SAMD4A: variants seen among roughly 807,000 people sequenced by gnomAD.
SAMD4A encodes the protein protein Smaug homolog 1.
SAMD4A carries 33 observed loss-of-function variants against 81.3 expected under a neutral mutation model. That is an observed-to-expected ratio of 0.41 (90% CI 0.31 to 0.54). The LOEUF is 0.54. SAMD4A is among the 20% of genes least tolerant of loss of function. SAMD4A has a pLI of 0.37. For synonymous variants in SAMD4A, 389 were observed against 382.1 expected, an observed-to-expected ratio of 1.02 and a Z score of -0.21; for missense variants, 854 against 951.1, an observed-to-expected ratio of 0.90 and a Z score of 1.34.
At chr14:54,727,464 C>T (rs1220160424) in intron 3 of SAMD4A, among the ~76,000 whole-genome samples, 2 of 152,130 alleles carry the variant, frequency 1.3e-5, no homozygotes, top group Non-Finnish European at 2.9e-5. Flanking sequence ...GCTGGGATTA[C>T]AGGGGTGAGC....
chr14:54,782,527 C>T (rs1594940573), intron 11 of SAMD4A, among the ~76,000 whole-genome samples: 1 of 152,104 alleles, frequency 6.6e-6, no homozygotes, highest in South Asian at 2.1e-4. Flanking sequence ...TGGGTGGGGG[C>T]GGTGGAGACT....
chr14:54,724,176 C>G (rs1383851626), intron 3 of SAMD4A, among the ~76,000 whole-genome samples: 1 of 152,166 alleles, frequency 6.6e-6, no homozygotes, highest in Non-Finnish European at 1.5e-5. Flanking sequence ...AGCTAGTGGA[C>G]TTGTTCAGGA....
intron 9 of SAMD4A, among the ~76,000 whole-genome samples, chr14:54,770,609 G>A (rs185003750): frequency 1.5e-4 from 23 of 150,782 alleles, no homozygotes; most frequent in Admixed American, 1.4e-3. Context: ...GTGGTAGTGT[G>A]ATTTTTTTCC....
At position 54,647,182 on chromosome 14, in the gene SAMD4A, T is replaced by A. The variant is rs536447426; in HGVS notation, c.197-54880T>A. ...TAAGTTTATCTTGTTTATAATAATT[T>A]TAAATGTTTGATACGTTATTATCAT... is the stretch of plus-strand genomic sequence containing the variant. On this transcript the variant is annotated intron_variant, in intron 2 of 12. Coordinates refer to ENST00000554335, the MANE Select transcript of SAMD4A (RefSeq NM_015589.6). Among the ~76,000 whole-genome samples, 172 of 152,368 alleles carry A rather than the reference T, an allele frequency of 1.1e-3. 1 individual carries two copies. Among genetic ancestry groups the A allele is most frequent in the Non-Finnish European group, 2.1e-3 (145 of 68,042 alleles).
Position 54,702,092 on chromosome 14 carries a change from A to C in SAMD4A, c.227A>C (p.Lys76Thr), listed in dbSNP as rs766427928. 6.2e-7 allele frequency: 1 copy of C among 1,614,010 alleles called. No homozygotes were observed. Among genetic ancestry groups the C allele is most frequent in the Non-Finnish European group, 8.5e-7 (1 of 1,179,986 alleles). ...GIINQWQQES[K>T]DKVISLLLTH... ...ATTAACCAATGGCAACAGGAATCCA[A>C]GGATAAAGTGATTTCCCTCCTGTTA... Residue 76 changes from lysine (K) to threonine (T), a missense_variant, in exon 3 of 13, where the codon AAG (lysine) becomes ACG (threonine). Physicochemically the swap from Lys to Thr is moderately conservative, Grantham distance 78. Transcript: ENST00000554335.
intron 4 of SAMD4A, among the ~76,000 whole-genome samples, chr14:54,747,612 A>G (rs899645254): frequency 2.6e-5 from 4 of 152,368 alleles, no homozygotes; most frequent in African/African-American, 9.6e-5. Flanking sequence ...TTCATAAAAA[A>G]CAGGAATAAC....
chr14:54,680,438 G>A (rs60239786), intron 2 of SAMD4A, among the ~76,000 whole-genome samples: 6,274 of 152,280 alleles, frequency 0.041, 159 homozygotes, highest in Middle Eastern at 0.15. Flanking sequence ...GTGAGTAGAT[G>A]ATGTTTAGGG....
chr14:54,655,438 T>TATAG (rs1315731223), intron 2 of SAMD4A, among the ~76,000 whole-genome samples: 55 of 152,090 alleles, frequency 3.6e-4, no homozygotes, highest in Admixed American at 3.6e-3. Flanking sequence ...TGGTTAAGAA[T>TATAG]ATAGATCCAG....
chr14:54,747,599 T>C (rs1435769507), intron 4 of SAMD4A, among the ~76,000 whole-genome samples: 1 of 152,242 alleles, frequency 6.6e-6, no homozygotes, highest in African/African-American at 2.4e-5. Flanking sequence ...TAATAGATAA[T>C]ACTTCATAAA....
intron 2 of SAMD4A, chr14:54,692,814 C>G (rs2036475574): frequency 6.7e-6 from 1 of 148,796 alleles, no homozygotes; most frequent in Admixed American, 6.7e-5. Context: ...TTTTTCATCT[C>G]TAATTTATAT....
Position 54,768,324 on chromosome 14 carries a change from C to T in SAMD4A, c.1597-1780C>T, listed in dbSNP as rs538255822. Among the ~76,000 whole-genome samples, 8 of 152,276 alleles carry T rather than the reference C, an allele frequency of 5.3e-5. No homozygotes were observed. The East Asian group carries it at 9.6e-4, about 18-fold the overall frequency. ...CATCTATTTGAACCGTTATTAAGAG[C>T]GAGGCACGTTCCAGGTATTCTAAGT... On this transcript the variant is annotated intron_variant, in intron 8 of 12. Coordinates refer to ENST00000554335, the MANE Select transcript of SAMD4A (RefSeq NM_015589.6).
Position 54,723,978 on chromosome 14 carries a change from G to A in SAMD4A, c.716-13046G>A, listed in dbSNP as rs527816305. On this transcript the variant is annotated intron_variant, in intron 3 of 12. Coordinates refer to ENST00000554335, the MANE Select transcript of SAMD4A (RefSeq NM_015589.6). The stretch of plus-strand genomic sequence containing the variant: ...AGCATATGCCCAACACCAGGCAGAT[G>A]CTCAGCAAATATTGGATGGATGGAT... Among the ~76,000 whole-genome samples, 5 of 121,030 alleles carry A rather than the reference G, an allele frequency of 4.1e-5. No homozygotes were observed. The East Asian group carries it at 1.2e-3, about 29-fold the overall frequency. 79.4% of individuals were successfully genotyped at this position (121,030 alleles called of 152,430 possible).
intron 2 of SAMD4A, among the ~76,000 whole-genome samples, chr14:54,685,283 C>G (rs936596129): frequency 2.6e-5 from 4 of 151,026 alleles, no homozygotes; most frequent in African/African-American, 9.8e-5. Flanking sequence ...TGCCCCCCCC[C>G]CCAGCTCCTG....
intron 2 of SAMD4A, chr14:54,694,162 A>C (rs1349636349): frequency 6.8e-6 from 1 of 146,082 alleles, no homozygotes; most frequent in Non-Finnish European, 1.6e-5. Context: ...TTACTCTGAG[A>C]TGGGAAGCCA....
At chr14:54,601,733 G>T (rs1289679023) in intron 2 of SAMD4A, among the ~76,000 whole-genome samples, 3 of 152,148 alleles carry the variant, frequency 2.0e-5, no homozygotes, top group African/African-American at 4.8e-5. Flanking sequence ...TATAAAGTGT[G>T]TTTTATTTGA....
chr14:54,569,674 C>G (rs2033071138), intron 2 of SAMD4A, among the ~76,000 whole-genome samples: 1 of 152,210 alleles, frequency 6.6e-6, no homozygotes, highest in African/African-American at 2.4e-5. Context: ...GCCTGGTTTA[C>G]CTGCTCGGTT....
chr14:54,787,299 C>CA (rs139236943), intron 12 of SAMD4A, among the ~76,000 whole-genome samples: 97 of 152,334 alleles, frequency 6.4e-4, no homozygotes, highest in African/African-American at 2.3e-3. Context: ...AACTTATATA[C>CA]AAGTGCACTG....
chr14:54,721,768 GATTA>G (rs1356197795), intron 3 of SAMD4A, among the ~76,000 whole-genome samples: 1 of 152,126 alleles, frequency 6.6e-6, no homozygotes, highest in Non-Finnish European at 1.5e-5. Context: ...AGAATGGAAA[GATTA>G]ATTAAATGAT....
At chr14:54,712,616 T>C (rs1331729303) in intron 3 of SAMD4A, among the ~76,000 whole-genome samples, 1 of 152,180 alleles carries the variant, frequency 6.6e-6, no homozygotes, top group African/African-American at 2.4e-5. Context: ...TTTTTCCTCA[T>C]CATGCCTAGT....
Sources: allele counts gnomAD v4.1 joint callset (sites outside exome capture counted in the v4.1 genomes callset), GRCh38; gene constraint gnomAD v4.1.1; transcripts MANE v1.5; gene names NCBI Gene and HGNC (gene_info 2026-07-23, HGNC 2026-07-21).